The following MITF variants were observed in gnomAD, a reference collection of about 807,000 sequenced individuals.
The protein encoded by MITF is microphthalmia-associated transcription factor.
In MITF, 17 loss-of-function variants were observed where a neutral mutation model predicts 60.5. The ratio of observed to expected loss-of-function variants is 0.28; its 90% confidence interval spans 0.19 to 0.42. The LOEUF (loss-of-function observed/expected upper bound fraction) is 0.42. MITF is among the 10% of genes least tolerant of loss of function. The pLI, the probability that MITF is intolerant of heterozygous loss-of-function variation, is 1.00. For missense variants in MITF, 622 were observed against 683.5 expected, an observed-to-expected ratio of 0.91 and a Z score of 1.00; for synonymous variants, 260 against 248.5, an observed-to-expected ratio of 1.05 and a Z score of -0.43.
At chr3:69,916,990 G>A (rs775076538) in intron 2 of MITF, among the ~76,000 whole-genome samples, 1 of 152,124 alleles carries the variant, frequency 6.6e-6, no homozygotes, top group African/African-American at 2.4e-5. Context: ...TTGTTCATTT[G>A]ACATATGTTT....
chr3:69,845,130 G>C (rs9828215), intron 1 of MITF, among the ~76,000 whole-genome samples: 75,607 of 151,810 alleles, frequency 0.5, 20,500 homozygotes, highest in Non-Finnish European at 0.63. Flanking sequence ...CTTGAATTAT[G>C]TTTCCTTCAT....
chr3:69,877,871 C>G (rs1383267305), intron 1 of MITF, among the ~76,000 whole-genome samples: 2 of 152,152 alleles, frequency 1.3e-5, no homozygotes, highest in African/African-American at 4.8e-5. Flanking sequence ...CAAATACTTA[C>G]CTCGAAGCAT....
intron 1 of MITF, among the ~76,000 whole-genome samples, chr3:69,824,631 ACC>A: frequency 6.6e-6 from 1 of 152,128 alleles, no homozygotes; most frequent in African/African-American, 2.4e-5. Context: ...CTCTTGCAGC[ACC>A]GGAGACATCT....
chr3:69,805,033 A>T (rs777142519), intron 1 of MITF, among the ~76,000 whole-genome samples: 1 of 152,220 alleles, frequency 6.6e-6, no homozygotes, highest in African/African-American at 2.4e-5. Context: ...GAGACATGTT[A>T]TAGGAATCAT....
chr3:69,855,645 A>C (rs1415053475), intron 1 of MITF, among the ~76,000 whole-genome samples: 1 of 152,130 alleles, frequency 6.6e-6, no homozygotes, highest in African/African-American at 2.4e-5. Flanking sequence ...GAAGTACTAT[A>C]TAGCTAATAC....
At chr3:69,878,644 G>T (rs2064409290) in intron 1 of MITF, among the ~76,000 whole-genome samples, 1 of 152,026 alleles carries the variant, frequency 6.6e-6, no homozygotes, top group South Asian at 2.1e-4. Flanking sequence ...TCTTGGCAAA[G>T]CTCACCTTTT....
At chr3:69,883,951 G>C (rs1442772934) in intron 2 of MITF, among the ~76,000 whole-genome samples, 1 of 152,054 alleles carries the variant, frequency 6.6e-6, no homozygotes, top group Non-Finnish European at 1.5e-5. Context: ...ATCAATGTTG[G>C]TGTCTGCAAG....
At chr3:69,888,572 G>T (rs944030425) in intron 2 of MITF, among the ~76,000 whole-genome samples, 1 of 151,926 alleles carries the variant, frequency 6.6e-6, no homozygotes, top group African/African-American at 2.4e-5. Flanking sequence ...AGCACACGCC[G>T]CTAAGTAATT....
intron 1 of MITF, among the ~76,000 whole-genome samples, chr3:69,760,612 T>C (rs2062198332): frequency 6.6e-6 from 1 of 152,204 alleles, no homozygotes; most frequent in Admixed American, 6.5e-5. Context: ...TAAAGTGTCA[T>C]GGCACTGCTG....
At chr3:69,799,580 G>A (rs1024246372) in intron 1 of MITF, among the ~76,000 whole-genome samples, 1 of 152,136 alleles carries the variant, frequency 6.6e-6, no homozygotes, top group Non-Finnish European at 1.5e-5. Flanking sequence ...TAGCAGTTTA[G>A]CCTTTGTTTT....
chr3:69,863,062 G>A lies in MITF; in HGVS notation c.105-16072G>A, dbSNP rs115608394. Among the ~76,000 whole-genome samples, 1,298 of 152,086 alleles carry A rather than the reference G, an allele frequency of 8.5e-3. 12 individuals carry two copies. The highest frequency in any genetic ancestry group is 0.029 in the African/African-American group (1,198 of 41,460). Reference sequence around the variant, plus strand: ...CAAACTCAGGAAACACATCTGAATAGTACAGATGTGCCCAAGACAGTTGCT... The same window carrying A: ...CAAACTCAGGAAACACATCTGAATAATACAGATGTGCCCAAGACAGTTGCT... On this transcript the variant is annotated intron_variant, in intron 1 of 9. Coordinates refer to ENST00000352241, the MANE Select transcript of MITF (RefSeq NM_001354604.2).
chr3:69,746,684 G>GATATT (rs1645929199), intron 1 of MITF, among the ~76,000 whole-genome samples: 1 of 152,210 alleles, frequency 6.6e-6, no homozygotes, highest in Non-Finnish European at 1.5e-5. Context: ...ACAAGCTTTT[G>GATATT]ATATTATAAA....
intron 5 of MITF, 126 bp downstream of exon 5, chr3:69,941,457 G>T (rs2065967134): frequency 4.6e-6 from 3 of 654,608 alleles, no homozygotes; most frequent in African/African-American, 1.8e-5. Context: ...GTAAAATGGA[G>T]AATTATCTCA....
Position 69,833,658 on chromosome 3 carries a change from G to A in MITF, c.105-45476G>A, listed in dbSNP as rs576170450. The stretch of plus-strand genomic sequence containing the variant: ...TTTTCTATTTACACTGTATGTGGTT[G>A]TTTCCCTGTTTACACTGTATGTGGT... On this transcript the variant is annotated intron_variant, in intron 1 of 9. Transcript: ENST00000352241. 3.2e-3 allele frequency among the ~76,000 whole-genome samples: 488 copies of A among 150,536 alleles called. 1 individual carries two copies. The highest frequency in any genetic ancestry group is 4.9e-3 in the Non-Finnish European group (333 of 67,438).
chr3:69,954,564 A>G (rs1300338859), intron 7 of MITF, among the ~76,000 whole-genome samples: 6 of 152,172 alleles, frequency 3.9e-5, no homozygotes, highest in African/African-American at 1.4e-4. Context: ...AAGTCCTCCA[A>G]TGGGGCGTGT....
chr3:69,883,606 G>A (rs1257018371), intron 2 of MITF, among the ~76,000 whole-genome samples: 1 of 152,128 alleles, frequency 6.6e-6, no homozygotes, highest in East Asian at 1.9e-4. Flanking sequence ...TGGCAAAAGG[G>A]ACTTCTCCCA....
chr3:69,961,141 T>C (rs760196180), intron 9 of MITF, among the ~76,000 whole-genome samples: 2 of 152,180 alleles, frequency 1.3e-5, no homozygotes, highest in African/African-American at 2.4e-5. Context: ...TCCCAGCACT[T>C]TGGGAGGCCA....
At chr3:69,958,640 ATC>A (rs1417703771) in intron 8 of MITF, among the ~76,000 whole-genome samples, 9 of 151,954 alleles carry the variant, frequency 5.9e-5, no homozygotes, top group Admixed American at 1.3e-4. Context: ...GATCTCACAG[ATC>A]TGTTTTACCA....
rs201058861 is a variant in MITF, at chr3:69,747,263, A to G, written c.104+7562A>G. ...AGCAAGATGAGTTTTACTAACTGCT[A>G]TGGAAATTAAATGGAGCATTATTGG... On this transcript the variant is annotated intron_variant, in intron 1 of 9. Coordinates refer to ENST00000352241, the MANE Select transcript of MITF (RefSeq NM_001354604.2). Among the ~76,000 whole-genome samples the G allele has an allele frequency of 9.2e-5, 14 of 152,226 alleles. No homozygotes were observed. In the East Asian group the frequency reaches 2.1e-3, roughly 23 times the overall value.
Sources: allele counts gnomAD v4.1 joint callset (sites outside exome capture counted in the v4.1 genomes callset), GRCh38; gene constraint gnomAD v4.1.1; transcripts MANE v1.5; gene names NCBI Gene and HGNC (gene_info 2026-07-23, HGNC 2026-07-21).